MAML2: variants seen among roughly 807,000 people sequenced by gnomAD.
MAML2 encodes the protein mastermind like transcriptional coactivator 2.
MAML2 carries 22 observed loss-of-function variants against 96.1 expected under a neutral mutation model. The observed-to-expected ratio is 0.23, with a 90% CI of 0.16 to 0.33. The LOEUF (loss-of-function observed/expected upper bound fraction) is 0.33, where lower values mean the gene tolerates loss of function less well. Among genes scored for constraint, MAML2 ranks in the 10% least tolerant of loss-of-function variants. The pLI is 1.00. For missense variants in MAML2, 1,367 were observed against 1,392.4 expected (o/e 0.98, Z 0.29); for synonymous variants, 561 against 521.3 (o/e 1.08, Z -1.04).
At chr11:96,198,405 T>C (rs1861761832) in intron 1 of MAML2, among the ~76,000 whole-genome samples, 1 of 152,224 alleles carries the variant, frequency 6.6e-6, no homozygotes, top group Non-Finnish European at 1.5e-5. Context: ...GTCCTCCCTA[T>C]GTCTTTTCTG....
In MAML2 at chr11:96,342,457, C is replaced by A. The variant is rs1419817381; in HGVS notation, c.-562G>T. The A allele has an allele frequency of 4.0e-5, 16 of 398,578 alleles. No homozygotes were observed. The highest frequency in any genetic ancestry group is 1.4e-4 in the East Asian group (4 of 28,088). 24.7% of individuals were successfully genotyped at this position (398,578 alleles called of 1,614,324 possible). ...ACTTTTCCTCAGGTTAAATAAAAAA[C>A]CAAAACAAAACAAAACAGTGCTGTT... On this transcript the variant is annotated 5_prime_UTR_variant, in exon 1 of 5. Coordinates refer to ENST00000524717, the MANE Select transcript of MAML2 (RefSeq NM_032427.4).
At chr11:96,017,706 T>C (rs187531807) in intron 2 of MAML2, among the ~76,000 whole-genome samples, 16 of 152,030 alleles carry the variant, frequency 1.1e-4, no homozygotes, top group African/African-American at 3.9e-4. Context: ...GGGGAGAGCC[T>C]TGTGCACAGT....
intron 2 of MAML2, among the ~76,000 whole-genome samples, chr11:96,045,501 CAA>C (rs1858882086): frequency 2.0e-5 from 3 of 152,150 alleles, no homozygotes. Context: ...CTAATGCCAT[CAA>C]AGATTAAGTC....
At position 96,036,417 on chromosome 11, in the gene MAML2, A is replaced by G. The variant is rs78803354; in HGVS notation, c.2140-44694T>C. 9.3e-4 allele frequency among the ~76,000 whole-genome samples: 141 copies of G among 152,324 alleles called. 3 individuals carry two copies. The East Asian group carries it at 0.025, about 27-fold the overall frequency. On this transcript the variant is annotated intron_variant, in intron 2 of 4. Transcript: ENST00000524717. Reference sequence around the variant, plus strand: ...AAACTCTTTTAGCACTACTCTCTGCAGGAATATGATGGGAAAGAACACATG... The same window carrying G: ...AAACTCTTTTAGCACTACTCTCTGCGGGAATATGATGGGAAAGAACACATG...
At chr11:96,063,304 C>A (rs1859196302) in intron 2 of MAML2, among the ~76,000 whole-genome samples, 1 of 152,166 alleles carries the variant, frequency 6.6e-6, no homozygotes, top group Admixed American at 6.5e-5. Context: ...ATAACTTGTT[C>A]TTTGTTTTAT....
chr11:96,282,451 AAAGT>A (rs1863085416), intron 1 of MAML2, among the ~76,000 whole-genome samples: 1 of 152,190 alleles, frequency 6.6e-6, no homozygotes, highest in Non-Finnish European at 1.5e-5. Flanking sequence ...TGAGTAGAAC[AAAGT>A]ATGCTGATGT....
intron 1 of MAML2, among the ~76,000 whole-genome samples, chr11:96,262,191 T>C (rs927958642): frequency 2.0e-5 from 3 of 152,160 alleles, no homozygotes; most frequent in Admixed American, 1.3e-4. Flanking sequence ...CACTGAGACA[T>C]TGGAAGATTA....
intron 1 of MAML2, among the ~76,000 whole-genome samples, chr11:96,328,882 T>G (rs894780888): frequency 8.5e-5 from 13 of 152,096 alleles, no homozygotes; most frequent in African/African-American, 3.1e-4. Context: ...ATTTCTTGAC[T>G]CTCTTTTATA....
intron 1 of MAML2, among the ~76,000 whole-genome samples, chr11:96,262,334 T>G (rs1424248058): frequency 6.6e-6 from 1 of 152,232 alleles, no homozygotes; most frequent in Admixed American, 6.5e-5. Context: ...CAGTTAGCAT[T>G]ATTATTTATT....
rs1861892714 is a variant in MAML2, at chr11:96,206,113, GT to G, written c.514-112597del. On this transcript the variant is annotated intron_variant, in intron 1 of 4. Coordinates refer to ENST00000524717, the MANE Select transcript of MAML2 (RefSeq NM_032427.4). Reference sequence around the variant, plus strand: ...TTATTGAGAAGGTTAAGCAATAGAAGTTTTTATGTGTTATCTAGAAATAATT... The same window carrying G: ...TTATTGAGAAGGTTAAGCAATAGAAGTTTTATGTGTTATCTAGAAATAATT... Among the ~76,000 whole-genome samples, 3 of 151,486 alleles carry G rather than the reference GT, an allele frequency of 2.0e-5. No individual in the cohort carries two copies. The South Asian group carries it at 6.2e-4, about 32-fold the overall frequency.
At chr11:96,099,618 C>T (rs1418597032) in intron 1 of MAML2, among the ~76,000 whole-genome samples, 4 of 152,056 alleles carry the variant, frequency 2.6e-5, no homozygotes, top group Non-Finnish European at 2.9e-5. Flanking sequence ...AATAATTATT[C>T]GTTGACCTCA....
chr11:96,126,700 G>A (rs951313257), intron 1 of MAML2, among the ~76,000 whole-genome samples: 5 of 152,180 alleles, frequency 3.3e-5, no homozygotes, highest in East Asian at 1.9e-4. Context: ...ACTGGGAAGC[G>A]CTTTGAAAGC....
intron 1 of MAML2, among the ~76,000 whole-genome samples, chr11:96,221,957 G>GT (rs1304461236): frequency 6.6e-6 from 1 of 151,960 alleles, no homozygotes; most frequent in Admixed American, 6.6e-5. Flanking sequence ...CATCCCCTGT[G>GT]TTTCACCTCA....
intron 1 of MAML2, among the ~76,000 whole-genome samples, chr11:96,189,612 T>C (rs533801679): frequency 6.6e-6 from 1 of 152,350 alleles, no homozygotes; most frequent in South Asian, 2.1e-4. Flanking sequence ...ATTTACTCAT[T>C]CATGTCATGT....
intron 2 of MAML2, among the ~76,000 whole-genome samples, chr11:96,078,901 A>AT (rs1859490556): frequency 6.6e-6 from 1 of 152,244 alleles, no homozygotes; most frequent in Non-Finnish European, 1.5e-5. Context: ...AAGGATATCA[A>AT]TTCAAATTTT....
intron 1 of MAML2, among the ~76,000 whole-genome samples, chr11:96,152,532 A>C (rs1407388248): frequency 1.3e-5 from 2 of 152,206 alleles, no homozygotes; most frequent in Non-Finnish European, 1.5e-5. Context: ...CTTTTCTTCC[A>C]ACTAAAGCGA....
rs1450724500 is a variant in MAML2, at chr11:95,978,787, G to T, written c.*161C>A. 6.0e-6 allele frequency: 4 copies of T among 667,338 alleles called. No homozygotes were observed. Among genetic ancestry groups the T allele is most frequent in the African/African-American group, 5.4e-5 (3 of 55,086 alleles). The allele number at this position is 667,338 out of a possible 1,614,324, so 41.3% of individuals were successfully genotyped here. ...GGTGTAAGATTTAAAACAAGAATTT[G>T]GACCAAAATGTTCATCACTGCAGTT... On this transcript the variant is annotated 3_prime_UTR_variant, in exon 5 of 5. Coordinates refer to ENST00000524717, the MANE Select transcript of MAML2 (RefSeq NM_032427.4).
chr11:96,226,976 A>G (rs1862221693), intron 1 of MAML2, among the ~76,000 whole-genome samples: 1 of 152,250 alleles, frequency 6.6e-6, no homozygotes, highest in Non-Finnish European at 1.5e-5. Flanking sequence ...GTTACGTTCA[A>G]TGGAGGAATA....
rs1318527487 is a variant in MAML2, at chr11:96,143,310, A to G, written c.514-49793T>C. On this transcript the variant is annotated intron_variant, in intron 1 of 4. Coordinates refer to ENST00000524717, the MANE Select transcript of MAML2 (RefSeq NM_032427.4). ...ATATGCCTAATTACAAAAGTCCTCC[A>G]AGGGCAGTCAAGAAATCTATGCTTT... 2.6e-5 allele frequency among the ~76,000 whole-genome samples: 4 copies of G among 152,206 alleles called. No homozygotes were observed. In the East Asian group the frequency reaches 7.7e-4, roughly 29 times the overall value.
Sources: allele counts gnomAD v4.1 joint callset (sites outside exome capture counted in the v4.1 genomes callset), GRCh38; gene constraint gnomAD v4.1.1; transcripts MANE v1.5; gene names NCBI Gene and HGNC (gene_info 2026-07-23, HGNC 2026-07-21).